The following MYH16 variants were observed in gnomAD, a reference collection of about 807,000 sequenced individuals.
MYH16 encodes the protein myosin heavy chain 16.
intron 18 of MYH16, among the ~76,000 whole-genome samples, chr7:99,269,275 T>G (rs898847931): frequency 4.7e-5 from 7 of 149,098 alleles, no homozygotes; most frequent in African/African-American, 9.9e-5. Flanking sequence ...ACCATTCTCT[T>G]TTTTTTTTTT....
chr7:99,291,945 G>C (rs1271808524), intron 31 of MYH16, among the ~76,000 whole-genome samples: 1 of 151,314 alleles, frequency 6.6e-6, no homozygotes, highest in African/African-American at 2.4e-5. Flanking sequence ...CTCGGTCTCA[G>C]GAAAAAAAAA....
downstream of MYH16, among the ~76,000 whole-genome samples, chr7:99,308,815 G>C (rs978825457): frequency 6.6e-6 from 1 of 152,170 alleles, no homozygotes; most frequent in Non-Finnish European, 1.5e-5. Flanking sequence ...GAAAGGGCTG[G>C]GCGCAGTGTC....
At chr7:99,257,736 T>A (rs980283092) in intron 10 of MYH16, among the ~76,000 whole-genome samples, 4 of 152,066 alleles carry the variant, frequency 2.6e-5, no homozygotes, top group Non-Finnish European at 5.9e-5. Flanking sequence ...AGCCTCAACC[T>A]TGTAGGCTCA....
intron 20 of MYH16, among the ~76,000 whole-genome samples, chr7:99,276,854 TGAGA>T (rs897547281): frequency 1.5e-5 from 2 of 136,082 alleles, no homozygotes; most frequent in East Asian, 2.2e-4. Flanking sequence ...ACACAGAAAA[TGAGA>T]GAGAGAGAGA....
intron 29 of MYH16, among the ~76,000 whole-genome samples, 195 bp from the exon 11 acceptor site, chr7:99,289,092 T>G (rs1225548018): frequency 6.9e-6 from 1 of 144,432 alleles, no homozygotes. Flanking sequence ...CCAGCCGGGG[T>G]GATGGAGTGA....
downstream of MYH16, among the ~76,000 whole-genome samples, chr7:99,309,546 T>C (rs1338281835): frequency 6.6e-6 from 1 of 152,198 alleles, no homozygotes; most frequent in Non-Finnish European, 1.5e-5. Context: ...CATTAATGTG[T>C]TTTACCTTTC....
At chr7:99,272,618 A>C (rs559610565) in intron 19 of MYH16, among the ~76,000 whole-genome samples, 1 of 152,108 alleles carries the variant, frequency 6.6e-6, no homozygotes, top group Admixed American at 6.5e-5. Flanking sequence ...GTGGTGGTGC[A>C]TGCCTGTAGT....
intron 18 of MYH16, chr7:99,270,912 T>C (rs1175818896): frequency 6.6e-6 from 1 of 152,470 alleles, no homozygotes; most frequent in African/African-American, 2.4e-5. Flanking sequence ...GTGGCTGCCA[T>C]CGGTGACAGC....
chr7:99,246,362 C>A (rs1791730212), intron 2 of MYH16, among the ~76,000 whole-genome samples: 1 of 152,068 alleles, frequency 6.6e-6, no homozygotes, highest in South Asian at 2.1e-4. Flanking sequence ...TCTCAATAGA[C>A]TCTCAAGGAA....
exon 1 of MYH16, chr7:99,239,036 C>G (rs560257862): frequency 6.5e-6 from 1 of 152,678 alleles, no homozygotes; most frequent in Non-Finnish European, 1.5e-5. Context: ...GATCACCAAC[C>G]AGGTGAGTGG....
intron 35 of MYH16, 34 bp from the exon 17 acceptor site, chr7:99,297,858 T>C: frequency 2.2e-6 from 1 of 456,706 alleles, no homozygotes. Context: ...CACATCTTCT[T>C]GGCCAGAAAG....
At chr7:99,303,587 G>A (rs1315267360) in intron 39 of MYH16, among the ~76,000 whole-genome samples, 2 of 152,196 alleles carry the variant, frequency 1.3e-5, no homozygotes, top group East Asian at 3.9e-4. Context: ...GACTGCTTGA[G>A]GCCATAAGTT....
intron 12 of MYH16, chr7:99,260,390 T>C (rs146326753): frequency 0.015 from 11,083 of 747,936 alleles, 138 homozygotes; most frequent in Middle Eastern, 0.053. Flanking sequence ...GGGATGTCAC[T>C]GGCACATGCA....
chr7:99,268,641 G>C (rs1357442827), intron 18 of MYH16, among the ~76,000 whole-genome samples: 1 of 152,270 alleles, frequency 6.6e-6, no homozygotes, highest in African/African-American at 2.4e-5. Context: ...GGAGAACAAA[G>C]AACAGGATGG....
intron 2 of MYH16, among the ~76,000 whole-genome samples, chr7:99,246,450 C>T (rs1160382133): frequency 6.6e-6 from 1 of 152,108 alleles, no homozygotes; most frequent in Non-Finnish European, 1.5e-5. Context: ...ACCTGTGATC[C>T]CAGCACTTTG....
chr7:99,260,233 A>G, exon 12 of MYH16: 1 of 1,608,472 alleles, frequency 6.2e-7, no homozygotes, highest in East Asian at 2.2e-5. Flanking sequence ...CAACCACCAC[A>G]TGTTCGTGCT....
chr7:99,279,588 T>C, exon 22 of MYH16: 1 of 456,478 alleles, frequency 2.2e-6, no homozygotes, highest in Non-Finnish European at 4.4e-6. Flanking sequence ...GAGCCAGATC[T>C]CAGACATGCG....
rs61745639 is a variant in MYH16 at position 99,292,367 on chromosome 7, T to C, written n.4008T>C. 2.1e-3 allele frequency: 982 copies of C among 456,794 alleles called. 2 individuals are homozygous for C. The highest frequency in any genetic ancestry group is 3.4e-3 in the Non-Finnish European group (773 of 226,958). 28.3% of individuals were successfully genotyped at this position (456,794 alleles called of 1,614,324 possible). A position where few individuals can be genotyped will look rare whatever the true frequency, so the allele number is the denominator to read the frequency against. On this transcript the variant is annotated non_coding_transcript_exon_variant, in exon 32 of 42. Coordinates refer to ENST00000439784, the Ensembl canonical transcript of MYH16. ...AACACCAAGCACGACCTGGACCTAG[T>C]AAAGGAGCAGCTGGAGGAGGAGCAG...
chr7:99,300,954 G>A (rs888115486), intron 37 of MYH16, among the ~76,000 whole-genome samples: 2 of 152,034 alleles, frequency 1.3e-5, no homozygotes, highest in Non-Finnish European at 2.9e-5. Context: ...CAGCACTTTG[G>A]GAGGCCGAGG....
Sources: gnomAD v4.1 joint callset for allele counts (sites outside exome capture counted in the v4.1 genomes callset) on GRCh38, gnomAD v4.1.1 for gene constraint, MANE v1.5 for transcripts, NCBI Gene and HGNC (gene_info 2026-07-23, HGNC 2026-07-21) for gene names.